Variants in PSD3 observed in about 807,000 individuals in gnomAD.
PSD3 encodes pleckstrin and Sec7 domain containing 3.
Under a neutral mutation model 105.5 loss-of-function variants are expected in PSD3, and 49 were observed. The ratio of observed to expected loss-of-function variants is 0.46; its 90% CI spans 0.37 to 0.59. The LOEUF (loss-of-function observed/expected upper bound fraction) is 0.59. Among genes scored for constraint, PSD3 ranks in the 20% least tolerant of loss-of-function variants. PSD3 has a pLI of 0.00. For missense variants in PSD3, 1,561 were observed against 1,263.8 expected (o/e 1.24, Z -3.57); for synonymous variants, 557 against 457.8 (o/e 1.22, Z -2.77).
At position 18,804,764 on chromosome 8, in the gene PSD3, T is replaced by A; in HGVS notation, c.1769A>T (p.Lys590Ile). ...SNVEAAKRLA[K>I]RLYQLDRFKR... ...GAATCTGTCCAGCTGATAAAGGCGT[T>A]TGGCCAACCTTTTGGCTGCTTCCAC... Residue 590 changes from lysine to isoleucine, a missense_variant, in exon 5 of 16, where the codon AAA becomes ATA. Lys to Ile is a moderately radical substitution (Grantham distance 102). Coordinates refer to ENST00000327040, the MANE Select transcript of PSD3 (RefSeq NM_015310.4). The A allele has an allele frequency of 6.2e-7, 1 of 1,614,178 alleles. No homozygotes were observed. Among genetic ancestry groups the A allele is most frequent in the Non-Finnish European group, 8.5e-7 (1 of 1,180,008 alleles).
At chr8:18,807,959 A>G (rs1811344256) in intron 4 of PSD3, among the ~76,000 whole-genome samples, 1 of 152,124 alleles carries the variant, frequency 6.6e-6, no homozygotes, top group Admixed American at 6.6e-5. Context: ...ACATTTTTTT[A>G]AAAAGAGACT....
intron 2 of PSD3, among the ~76,000 whole-genome samples, chr8:18,878,752 G>A (rs1817894439): frequency 6.6e-6 from 1 of 151,990 alleles, no homozygotes; most frequent in Non-Finnish European, 1.5e-5. Context: ...ATAAATAAAT[G>A]TCAAAAAGAC....
intron 4 of PSD3, among the ~76,000 whole-genome samples, chr8:18,839,181 G>C (rs1369804256): frequency 1.3e-5 from 2 of 151,982 alleles, no homozygotes; most frequent in Non-Finnish European, 2.9e-5. Flanking sequence ...CCTAACTTGA[G>C]CACAGACATA....
intron 9 of PSD3, among the ~76,000 whole-genome samples, chr8:18,731,654 G>C (rs1803759314): frequency 6.6e-6 from 1 of 152,176 alleles, no homozygotes; most frequent in Admixed American, 6.5e-5. Context: ...ATTGCTTATA[G>C]AAACTGAAAC....
Position 18,991,848 on chromosome 8 carries a change from T to C in PSD3, c.21+21715A>G, listed in dbSNP as rs544108296. ...ATTATCAAAATAATGGCTGTGCTTTTATTGAATATTTACAATGCGCCAGAC... is the reference window on the plus strand; with the variant it reads ...ATTATCAAAATAATGGCTGTGCTTTCATTGAATATTTACAATGCGCCAGAC... On this transcript the variant is annotated intron_variant, in intron 1 of 15. Transcript: ENST00000327040. Among the ~76,000 whole-genome samples, 64 of 152,334 alleles carry C rather than the reference T, an allele frequency of 4.2e-4. No individual in the cohort carries two copies. In the South Asian group the frequency reaches 0.012, roughly 30 times the overall value.
intron 9 of PSD3, among the ~76,000 whole-genome samples, chr8:18,666,982 G>C (rs1187606231): frequency 6.6e-6 from 1 of 152,108 alleles, no homozygotes; most frequent in Non-Finnish European, 1.5e-5. Flanking sequence ...CCTCCCGGTG[G>C]GTTCATGGTC....
intron 2 of PSD3, among the ~76,000 whole-genome samples, chr8:18,927,007 C>G (rs553699724): frequency 3.0e-4 from 46 of 152,198 alleles, no homozygotes; most frequent in Non-Finnish European, 6.5e-4. Context: ...AGTTAATTAG[C>G]TAGAGTGCCT....
intron 11 of PSD3, among the ~76,000 whole-genome samples, chr8:18,607,894 G>A (rs1018459894): frequency 6.6e-6 from 1 of 152,106 alleles, no homozygotes; most frequent in African/African-American, 2.4e-5. Flanking sequence ...GCAGCAGCAA[G>A]GAGAAGTGCC....
intron 10 of PSD3, among the ~76,000 whole-genome samples, chr8:18,635,897 G>A (rs35287082): frequency 2.6e-5 from 4 of 151,832 alleles, no homozygotes; most frequent in Non-Finnish European, 1.5e-5. Context: ...GTGGGGTGGA[G>A]GGCAAGGGGA....
At chr8:18,825,113 G>C (rs887647542) in intron 4 of PSD3, among the ~76,000 whole-genome samples, 2 of 152,122 alleles carry the variant, frequency 1.3e-5, no homozygotes, top group Admixed American at 6.5e-5. Context: ...ATATACTAGT[G>C]CAGTCCCTGA....
intron 8 of PSD3, among the ~76,000 whole-genome samples, chr8:18,789,076 C>G (rs1277121989): frequency 1.3e-5 from 2 of 152,112 alleles, no homozygotes; most frequent in Non-Finnish European, 2.9e-5. Context: ...ACTTCTCCCA[C>G]CTGTCCTATA....
chr8:18,570,406 T>C (rs1802054473), intron 14 of PSD3, among the ~76,000 whole-genome samples: 1 of 110,794 alleles, frequency 9.0e-6, no homozygotes, highest in Non-Finnish European at 1.8e-5. Flanking sequence ...GACATAGGCA[T>C]GGGCAAGGAC....
intron 6 of PSD3, chr8:18,802,247 G>C: frequency 4.0e-6 from 1 of 249,864 alleles, no homozygotes; most frequent in South Asian, 4.3e-5. Flanking sequence ...TTAAATTATA[G>C]GAAGTGTATC....
chr8:18,772,963 T>C (rs979902977), intron 8 of PSD3, among the ~76,000 whole-genome samples: 2 of 152,206 alleles, frequency 1.3e-5, no homozygotes, highest in Non-Finnish European at 2.9e-5. Flanking sequence ...TTGTAAATAT[T>C]TTATTCTATT....
chr8:18,647,610 T>G (rs1808142107), intron 10 of PSD3, among the ~76,000 whole-genome samples: 1 of 151,962 alleles, frequency 6.6e-6, no homozygotes, highest in Non-Finnish European at 1.5e-5. Context: ...AAACTGTTTT[T>G]TTTTTTTTTT....
At chr8:18,817,523 T>C (rs1212477430) in intron 4 of PSD3, among the ~76,000 whole-genome samples, 1 of 152,284 alleles carries the variant, frequency 6.6e-6, no homozygotes, top group Non-Finnish European at 1.5e-5. Flanking sequence ...GGCTTTAACA[T>C]ACGCTCAGTA....
intron 15 of PSD3, among the ~76,000 whole-genome samples, chr8:18,540,141 G>A (rs180929362): frequency 1.3e-3 from 200 of 152,318 alleles, no homozygotes; most frequent in African/African-American, 4.5e-3. Flanking sequence ...CATGTAAGTA[G>A]AAGTCTGCTA....
At chr8:18,742,857 C>G (rs1351190036) in intron 9 of PSD3, among the ~76,000 whole-genome samples, 1 of 152,160 alleles carries the variant, frequency 6.6e-6, no homozygotes, top group African/African-American at 2.4e-5. Flanking sequence ...CTTTCACAAC[C>G]TAGGATTATA....
intron 9 of PSD3, among the ~76,000 whole-genome samples, chr8:18,726,000 G>C (rs1803311232): frequency 6.6e-6 from 1 of 152,152 alleles, no homozygotes; most frequent in African/African-American, 2.4e-5. Context: ...AACAGCTTGA[G>C]GTAACAACAG....
Sources: gnomAD v4.1 joint callset for allele counts (sites outside exome capture counted in the v4.1 genomes callset) on GRCh38, gnomAD v4.1.1 for gene constraint, MANE v1.5 for transcripts, NCBI Gene and HGNC (gene_info 2026-07-23, HGNC 2026-07-21) for gene names.